The following TRERF1 variants were observed in gnomAD, a reference collection of about 807,000 sequenced individuals.
The protein encoded by TRERF1 is transcriptional-regulating factor 1.
In TRERF1, 27 loss-of-function variants were observed where a neutral mutation model predicts 122.9. The observed-to-expected ratio is 0.22, with a 90% CI of 0.16 to 0.30. The LOEUF is 0.30. Among genes scored for constraint, TRERF1 ranks in the 10% least tolerant of loss-of-function variants. TRERF1 has a pLI of 1.00. For missense variants in TRERF1, 1,248 were observed against 1,560.3 expected, an observed-to-expected ratio of 0.80 and a Z score of 3.37; for synonymous variants, 636 against 641.7, an observed-to-expected ratio of 0.99 and a Z score of 0.13.
intron 2 of TRERF1, among the ~76,000 whole-genome samples, chr6:42,382,417 TAA>T (rs58580368): frequency 5.2e-5 from 7 of 133,598 alleles, no homozygotes; most frequent in Non-Finnish European, 6.5e-5. Flanking sequence ...AAGACGTGAT[TAA>T]AAAAAAAAAA....
intron 5 of TRERF1, among the ~76,000 whole-genome samples, 164 bp downstream of exon 5, chr6:42,267,990 A>G (rs1331084121): frequency 1.3e-5 from 2 of 152,248 alleles, no homozygotes; most frequent in Non-Finnish European, 1.5e-5. Context: ...TTTGTATTCC[A>G]AGTGCTTGGC....
At chr6:42,441,330 G>A (rs190151330) in intron 2 of TRERF1, among the ~76,000 whole-genome samples, 8 of 152,184 alleles carry the variant, frequency 5.3e-5, no homozygotes, top group Non-Finnish European at 1.2e-4. Context: ...TTGCTCAAAG[G>A]GGGGAAGGAG....
intron 3 of TRERF1, among the ~76,000 whole-genome samples, chr6:42,318,099 A>G (rs1187448986): frequency 1.3e-5 from 2 of 152,054 alleles, no homozygotes; most frequent in Non-Finnish European, 2.9e-5. Flanking sequence ...GGTTGTAGTA[A>G]GCCGAGATCA....
chr6:42,253,339 A>G (rs1034841673), intron 13 of TRERF1, among the ~76,000 whole-genome samples: 18 of 152,286 alleles, frequency 1.2e-4, no homozygotes, highest in Admixed American at 9.2e-4. Context: ...CTCACAGCAC[A>G]TGGTTAGGAA....
At chr6:42,256,659 G>A in intron 12 of TRERF1, 69 bp downstream of exon 12, 1 of 1,401,502 alleles carries the variant, frequency 7.1e-7, no homozygotes, top group Non-Finnish European at 1.0e-6. Context: ...TATGGTACAT[G>A]AGACAATATT....
intron 2 of TRERF1, among the ~76,000 whole-genome samples, chr6:42,407,386 G>A (rs555600341): frequency 1.1e-4 from 16 of 152,258 alleles, no homozygotes; most frequent in Non-Finnish European, 2.1e-4. Flanking sequence ...CTGTTGTCAC[G>A]CTAGTCCTGG....
intron 3 of TRERF1, among the ~76,000 whole-genome samples, chr6:42,311,639 G>A (rs1422849407): frequency 2.0e-5 from 3 of 151,534 alleles, no homozygotes; most frequent in South Asian, 2.1e-4. Flanking sequence ...TGTGGCGGGC[G>A]TCTGTAGTCC....
chr6:42,442,191 A>G (rs1217324285), intron 2 of TRERF1, among the ~76,000 whole-genome samples: 1 of 152,050 alleles, frequency 6.6e-6, no homozygotes, highest in African/African-American at 2.4e-5. Context: ...TCCTATTGTA[A>G]TGACAACAGA....
At chr6:42,299,116 C>CTGTCTCTA (rs10627056) in intron 4 of TRERF1, among the ~76,000 whole-genome samples, 4 of 141,784 alleles carry the variant, frequency 2.8e-5, no homozygotes, top group South Asian at 2.2e-4. Flanking sequence ...GTCTGTCTGT[C>CTGTCTCTA]TCTATCTATC....
chr6:42,439,416 A>G (rs1786078197), intron 2 of TRERF1, among the ~76,000 whole-genome samples: 2 of 152,030 alleles, frequency 1.3e-5, no homozygotes, highest in African/African-American at 4.8e-5. Context: ...GACATGGTAT[A>G]CCCTTAAGAA....
intron 3 of TRERF1, among the ~76,000 whole-genome samples, chr6:42,341,526 G>C (rs1767304322): frequency 6.6e-6 from 1 of 152,236 alleles, no homozygotes; most frequent in South Asian, 2.1e-4. Context: ...AGCAGGCGTA[G>C]AGCAAGGTTT....
At chr6:42,298,350 T>C (rs1252985819) in intron 4 of TRERF1, among the ~76,000 whole-genome samples, 1 of 151,332 alleles carries the variant, frequency 6.6e-6, no homozygotes, top group Non-Finnish European at 1.5e-5. Context: ...GAGATGGGGT[T>C]TCACCATGTT....
At chr6:42,262,601 C>CACAGAGAGAGAGAGAGAGAGAGAG (rs1778365930) in intron 8 of TRERF1, among the ~76,000 whole-genome samples, 1 of 59,132 alleles carries the variant, frequency 1.7e-5, no homozygotes, top group African/African-American at 8.2e-5. Context: ...GAGAGAGAGA[C>CACAGAGAGAGAGAGAGAGAGAGAG]AGACAGACGG....
intron 4 of TRERF1, among the ~76,000 whole-genome samples, chr6:42,273,426 TC>T (rs1780599549): frequency 6.6e-6 from 1 of 152,078 alleles, no homozygotes; most frequent in Non-Finnish European, 1.5e-5. Context: ...TGATCAAATA[TC>T]CCAGTGAGTT....
chr6:42,443,212 C>T (rs1045137968), intron 2 of TRERF1, among the ~76,000 whole-genome samples: 2 of 152,194 alleles, frequency 1.3e-5, no homozygotes, highest in Non-Finnish European at 2.9e-5. Context: ...GTGGCAAAAT[C>T]TCAATAATTG....
At chr6:42,407,521 C>G (rs1440253091) in intron 2 of TRERF1, among the ~76,000 whole-genome samples, 1 of 152,152 alleles carries the variant, frequency 6.6e-6, no homozygotes, top group Non-Finnish European at 1.5e-5. Flanking sequence ...TCAAGAACTC[C>G]TGTGATCTAA....
At chr6:42,372,316 T>C (rs1581845148) in intron 2 of TRERF1, among the ~76,000 whole-genome samples, 1 of 152,190 alleles carries the variant, frequency 6.6e-6, no homozygotes, top group Non-Finnish European at 1.5e-5. Flanking sequence ...ACTAACCAAG[T>C]AGAAAGCCAG....
chr6:42,360,770 T>TAAAAAAAAAAAAA (rs1491517636), intron 3 of TRERF1, among the ~76,000 whole-genome samples: 13 of 64,044 alleles, frequency 2.0e-4, no homozygotes, highest in African/African-American at 5.6e-4. Flanking sequence ...AGTGGAGAGA[T>TAAAAAAAAAAAAA]TAAAAAAAAA....
rs1581918113 is a variant in TRERF1, at chr6:42,384,376, T to C, written c.-453-21297A>G. Among the ~76,000 whole-genome samples the C allele has an allele frequency of 3.9e-5, 6 of 152,310 alleles. No homozygotes were observed. The South Asian group carries it at 1.2e-3, about 32-fold the overall frequency. Reference sequence around the variant, plus strand: ...ATAATTTTCAATGTATATTGCTAGGTAAGACAAGCAAGCCACAGAATAACA... The same window carrying C: ...ATAATTTTCAATGTATATTGCTAGGCAAGACAAGCAAGCCACAGAATAACA... On this transcript the variant is annotated intron_variant, in intron 2 of 17. Coordinates refer to ENST00000372922, the Ensembl canonical transcript of TRERF1.
Sources: gnomAD v4.1 joint callset for allele counts (sites outside exome capture counted in the v4.1 genomes callset) on GRCh38, gnomAD v4.1.1 for gene constraint, MANE v1.5 for transcripts, NCBI Gene and HGNC (gene_info 2026-07-23, HGNC 2026-07-21) for gene names.